Variants in AKAP6 observed in about 807,000 individuals in gnomAD.
AKAP6 encodes A-kinase anchor protein 6.
A neutral mutation model predicts 188.5 loss-of-function variants in AKAP6; 58 were observed. That is an observed-to-expected ratio of 0.31 (90% CI 0.25 to 0.38). The LOEUF (loss-of-function observed/expected upper bound fraction) is 0.38. Ranked by LOEUF, AKAP6 falls within the 10% of genes least tolerant of loss-of-function variation. The pLI is 1.00. For missense variants in AKAP6, 2,710 were observed against 2,740.0 expected, an observed-to-expected ratio of 0.99 and a Z score of 0.24; for synonymous variants, 989 against 998.6, an observed-to-expected ratio of 0.99 and a Z score of 0.18.
intron 2 of AKAP6, among the ~76,000 whole-genome samples, chr14:32,493,838 G>A (rs111243197): frequency 1.4e-3 from 216 of 152,268 alleles, no homozygotes; most frequent in African/African-American, 4.9e-3. Flanking sequence ...CTGACATAGC[G>A]ACTGCCAACT....
At chr14:32,499,190 A>C (rs35779171) in intron 2 of AKAP6, among the ~76,000 whole-genome samples, 9,833 of 152,184 alleles carry the variant, frequency 0.065, 398 homozygotes, top group South Asian at 0.095. Flanking sequence ...GGCTGTTAGC[A>C]ATGTTCAATT....
intron 2 of AKAP6, among the ~76,000 whole-genome samples, chr14:32,521,629 A>G (rs907363733): frequency 2.6e-5 from 4 of 152,248 alleles, no homozygotes; most frequent in Admixed American, 2.0e-4. Context: ...CCAACTTACA[A>G]GGGATGTGAA....
chr14:32,510,087 G>A (rs562878093), intron 2 of AKAP6, among the ~76,000 whole-genome samples: 44 of 151,920 alleles, frequency 2.9e-4, no homozygotes, highest in Non-Finnish European at 6.3e-4. Flanking sequence ...TGGGCGGAGC[G>A]CTTAAAGGGG....
At chr14:32,605,371 G>A (rs1189563717) in intron 7 of AKAP6, among the ~76,000 whole-genome samples, 3 of 152,114 alleles carry the variant, frequency 2.0e-5, no homozygotes, top group Non-Finnish European at 4.4e-5. Flanking sequence ...TACAAAGATA[G>A]AGAGGTGTAA....
intron 5 of AKAP6, among the ~76,000 whole-genome samples, chr14:32,589,661 AC>A (rs1182978669): frequency 1.3e-5 from 2 of 152,170 alleles, no homozygotes; most frequent in Non-Finnish European, 2.9e-5. Flanking sequence ...GGGCCATAAT[AC>A]CCAGTAGTTA....
At chr14:32,683,595 A>G (rs11156758) in intron 8 of AKAP6, among the ~76,000 whole-genome samples, 34,088 of 152,140 alleles carry the variant, frequency 0.22, 4,636 homozygotes, top group East Asian at 0.55. Context: ...CACTGGGGAC[A>G]TAGAGGCAGT....
At chr14:32,571,387 G>A (rs892269142) in intron 4 of AKAP6, among the ~76,000 whole-genome samples, 5 of 151,950 alleles carry the variant, frequency 3.3e-5, no homozygotes, top group African/African-American at 1.2e-4. Context: ...AAAATTATCT[G>A]GGTGTGATGG....
intron 12 of AKAP6, among the ~76,000 whole-genome samples, chr14:32,779,049 C>T (rs2033156785): frequency 6.6e-6 from 1 of 151,896 alleles, no homozygotes; most frequent in Non-Finnish European, 1.5e-5. Context: ...TAAAAAGGAA[C>T]AATGATCGGA....
rs543075885 is a variant in AKAP6, at chr14:32,828,582, C to G, written c.*43-1266C>G. Among the ~76,000 whole-genome samples, 38 of 151,654 alleles carry G rather than the reference C, an allele frequency of 2.5e-4. No homozygotes were observed. The South Asian group carries it at 7.3e-3, about 29-fold the overall frequency. On this transcript the variant is annotated intron_variant, in intron 13 of 13. Coordinates refer to ENST00000280979, the MANE Select transcript of AKAP6 (RefSeq NM_004274.5). ...ACACACACACACACACTCTCACACC[C>G]CAGATCTGTGCCTCAGCCAATTGGC...
intron 2 of AKAP6, among the ~76,000 whole-genome samples, chr14:32,440,633 A>G (rs1026459569): frequency 1.1e-4 from 16 of 152,186 alleles, no homozygotes; most frequent in African/African-American, 3.6e-4. Flanking sequence ...TTTGGAACAT[A>G]TTATGCAAGG....
Position 32,545,979 on chromosome 14 carries a change from G to T in AKAP6, c.1326G>T (p.Gln442His). ...GATCCAAACTTTGCCTGGTATTGCA[G>T]TCTTCTTACCCCAACAGCCCTTCTG... ...PDRSKLCLVL[Q>H]SSYPNSPSAA... Residue 442 changes from glutamine (Q) to histidine (H), a missense_variant, in exon 4 of 14, where the codon CAG becomes CAT. This residue lies in a region of AKAP6 where 2,473 missense variants were observed against 2,426.1 expected (regional missense o/e 1.02). Coordinates refer to ENST00000280979, the MANE Select transcript of AKAP6 (RefSeq NM_004274.5). The T allele has an allele frequency of 1.2e-6, 2 of 1,614,162 alleles. No individual in the cohort carries two copies. Among genetic ancestry groups the T allele is most frequent in the Non-Finnish European group, 1.7e-6 (2 of 1,180,022 alleles).
At chr14:32,676,446 C>A (rs1423699294) in intron 7 of AKAP6, among the ~76,000 whole-genome samples, 2 of 152,054 alleles carry the variant, frequency 1.3e-5, no homozygotes, top group African/African-American at 4.8e-5. Flanking sequence ...ATTCTGCATA[C>A]CTCCTCTTCC....
intron 4 of AKAP6, among the ~76,000 whole-genome samples, chr14:32,555,702 C>CT (rs1566573599): frequency 1.3e-5 from 2 of 152,094 alleles, no homozygotes; most frequent in Non-Finnish European, 2.9e-5. Context: ...TAGTATTTTT[C>CT]TTTTTGTGAC....
intron 11 of AKAP6, among the ~76,000 whole-genome samples, chr14:32,753,437 T>A (rs995875342): frequency 4.6e-5 from 7 of 152,168 alleles, no homozygotes; most frequent in Admixed American, 2.6e-4. Context: ...TTATCAGATG[T>A]ATGGTTTGTA....
rs183987113 is a variant in AKAP6, at chr14:32,541,701, C to T, written c.577-3529C>T. Among the ~76,000 whole-genome samples the T allele has an allele frequency of 5.0e-3, 758 of 152,138 alleles. 5 individuals carry two copies. Among genetic ancestry groups the T allele is most frequent in the East Asian group, 0.013 (67 of 5,182 alleles). ...TGAGATAGTTTTGGAATTTAACCAT[C>T]GTTTTATAATACTATTTCTGTAAAA... On this transcript the variant is annotated intron_variant, in intron 3 of 13. Coordinates refer to ENST00000280979, the MANE Select transcript of AKAP6 (RefSeq NM_004274.5).
At chr14:32,551,648 T>A (rs113878804) in intron 4 of AKAP6, among the ~76,000 whole-genome samples, 2,219 of 150,658 alleles carry the variant, frequency 0.015, 54 homozygotes, top group African/African-American at 0.052. Context: ...TAATTTTTGT[T>A]TGTTTGTTTG....
intron 5 of AKAP6, among the ~76,000 whole-genome samples, chr14:32,593,051 C>CACACACACAG (rs1640976873): frequency 6.7e-6 from 1 of 149,230 alleles, no homozygotes; most frequent in African/African-American, 2.5e-5. Flanking sequence ...CACACACACA[C>CACACACACAG]ACACACACAC....
intron 12 of AKAP6, among the ~76,000 whole-genome samples, chr14:32,796,716 GC>G (rs1211200405): frequency 2.0e-5 from 3 of 152,152 alleles, no homozygotes; most frequent in African/African-American, 7.2e-5. Context: ...TCAGGACATA[GC>G]CATACCATTC....
chr14:32,609,144 G>T (rs1035812165), intron 7 of AKAP6, among the ~76,000 whole-genome samples: 7 of 152,044 alleles, frequency 4.6e-5, no homozygotes, highest in African/African-American at 7.2e-5. Context: ...TTATTAAATG[G>T]CAGCTTTCAA....
Sources: gnomAD v4.1 joint callset for allele counts (sites outside exome capture counted in the v4.1 genomes callset) on GRCh38, gnomAD v4.1.1 for gene constraint, gnomAD v4.1.1 regional missense constraint, MANE v1.5 for transcripts, NCBI Gene and HGNC (gene_info 2026-07-23, HGNC 2026-07-21) for gene names.